The following DCDC2C variants were observed in gnomAD, a reference collection of about 807,000 sequenced individuals.
DCDC2C encodes doublecortin domain-containing protein 2C.
In DCDC2C, 44 loss-of-function variants were observed where a neutral mutation model predicts 45.0. That is an observed-to-expected ratio of 0.98 (90% CI 0.77 to 1.26). The LOEUF (loss-of-function observed/expected upper bound fraction) is 1.26. DCDC2C is among the 50% of genes most tolerant of loss of function. DCDC2C has a pLI of 0.00. For synonymous variants in DCDC2C, 187 were observed against 178.8 expected (o/e 1.05, Z -0.37); for missense variants, 447 against 468.9 (o/e 0.95, Z 0.43).
At chr2:3,738,956 A>G (rs112978418) in intron 3 of DCDC2C, among the ~76,000 whole-genome samples, 1 of 152,200 alleles carries the variant, frequency 6.6e-6, no homozygotes, top group African/African-American at 2.4e-5. Flanking sequence ...CGGACCCTGA[A>G]CAACACGGAC....
intron 3 of DCDC2C, among the ~76,000 whole-genome samples, chr2:3,741,693 A>G (rs968578637): frequency 1.3e-5 from 2 of 151,696 alleles, no homozygotes; most frequent in African/African-American, 4.9e-5. Context: ...AAAAGCACAC[A>G]TACACACACA....
chr2:3,728,280 T>C (rs1236264448), intron 3 of DCDC2C, among the ~76,000 whole-genome samples: 1 of 152,208 alleles, frequency 6.6e-6, no homozygotes, highest in Non-Finnish European at 1.5e-5. Context: ...CTGTGACCAT[T>C]TCTTTAAAAT....
At chr2:3,755,177 A>T (rs1350031383) in intron 6 of DCDC2C, among the ~76,000 whole-genome samples, 1 of 152,088 alleles carries the variant, frequency 6.6e-6, no homozygotes, top group African/African-American at 2.4e-5. Flanking sequence ...GTATGGATGC[A>T]TGTGTGTGTA....
intron 3 of DCDC2C, among the ~76,000 whole-genome samples, chr2:3,737,901 T>G (rs1262434430): frequency 1.3e-5 from 2 of 152,204 alleles, no homozygotes; most frequent in Non-Finnish European, 2.9e-5. Context: ...TACTAAAAAT[T>G]AAGTAGCAAC....
At chr2:3,765,575 C>A (rs533736276) in intron 6 of DCDC2C, among the ~76,000 whole-genome samples, 1 of 152,146 alleles carries the variant, frequency 6.6e-6, no homozygotes, top group Non-Finnish European at 1.5e-5. Context: ...GCTGTGGCTA[C>A]CTCCTTAAGG....
intron 3 of DCDC2C, among the ~76,000 whole-genome samples, chr2:3,729,310 G>A (rs1424184539): frequency 6.6e-6 from 1 of 152,192 alleles, no homozygotes; most frequent in Non-Finnish European, 1.5e-5. Flanking sequence ...GTGCCAGGCA[G>A]AACTGGAGAA....
At chr2:3,707,410 C>T (rs1244975596) in intron 1 of DCDC2C, among the ~76,000 whole-genome samples, 1 of 152,024 alleles carries the variant, frequency 6.6e-6, no homozygotes, top group African/African-American at 2.4e-5. Context: ...ATTTGGAAAA[C>T]AGGAAGACTA....
intron 8 of DCDC2C, among the ~76,000 whole-genome samples, chr2:3,772,297 T>G (rs1403732021): frequency 6.6e-6 from 1 of 152,212 alleles, no homozygotes; most frequent in Non-Finnish European, 1.5e-5. Context: ...TGTGACACCT[T>G]CAATATCTGT....
At chr2:3,791,397 C>T (rs1014144058) in intron 10 of DCDC2C, among the ~76,000 whole-genome samples, 6 of 152,208 alleles carry the variant, frequency 3.9e-5, no homozygotes, top group African/African-American at 7.2e-5. Flanking sequence ...ATGGACCAAT[C>T]GCCTTTTCGT....
chr2:3,783,961 T>C (rs1162684268), intron 9 of DCDC2C, among the ~76,000 whole-genome samples: 1 of 152,216 alleles, frequency 6.6e-6, no homozygotes, highest in Non-Finnish European at 1.5e-5. Flanking sequence ...ATTTTCTTGA[T>C]TTACACAAGT....
At chr2:3,751,101 C>A (rs929538288) in intron 4 of DCDC2C, among the ~76,000 whole-genome samples, 7 of 152,220 alleles carry the variant, frequency 4.6e-5, no homozygotes, top group African/African-American at 1.7e-4. Flanking sequence ...CCGGCAATAT[C>A]TGCCATCTCT....
intron 3 of DCDC2C, among the ~76,000 whole-genome samples, chr2:3,731,737 A>T (rs2148085044): frequency 6.6e-6 from 1 of 152,296 alleles, no homozygotes; most frequent in Admixed American, 6.5e-5. Flanking sequence ...TGCTACAGGG[A>T]CATGGAGGAT....
intron 5 of DCDC2C, among the ~76,000 whole-genome samples, chr2:3,753,912 A>C (rs1029916536): frequency 6.6e-6 from 1 of 152,198 alleles, no homozygotes; most frequent in South Asian, 2.1e-4. Flanking sequence ...TGCCTGGCAC[A>C]CATGGATATT....
chr2:3,732,814 TAAG>T (rs1431230501), intron 3 of DCDC2C, among the ~76,000 whole-genome samples: 8 of 152,088 alleles, frequency 5.3e-5, no homozygotes, highest in Non-Finnish European at 1.2e-4. Context: ...CTGGGAGTCA[TAAG>T]AAGGACAGAT....
chr2:3,722,680 C>T (rs1307688509), intron 2 of DCDC2C, among the ~76,000 whole-genome samples: 3 of 152,174 alleles, frequency 2.0e-5, no homozygotes, highest in Non-Finnish European at 4.4e-5. Flanking sequence ...ATAAGCTTGA[C>T]ATTGTTCAGG....
chr2:3,711,895 C>G (rs565722454), intron 2 of DCDC2C, among the ~76,000 whole-genome samples: 2 of 152,210 alleles, frequency 1.3e-5, no homozygotes, highest in African/African-American at 4.8e-5. Flanking sequence ...CCAACACCAC[C>G]CTCTGGGGTC....
In DCDC2C at chr2:3,703,801, C is replaced by G. The variant is rs1667941703; in HGVS notation, c.50C>G (p.Thr17Ser). 4 of 1,250,764 alleles carry G rather than the reference C, an allele frequency of 3.2e-6. No homozygotes were observed. Among genetic ancestry groups the G allele is most frequent in the African/African-American group, 1.6e-5 (1 of 64,436 alleles). 77.5% of individuals were successfully genotyped at this position (1,250,764 alleles called of 1,614,324 possible). ...SAPVDTTPAK[T>S]IVVYRNGDPF... ...CCGGTGGACACCACGCCCGCCAAGA[C>G]CATCGTGGTGTACCGCAACGGGGAC... The change falls in exon 1 of 11, where the codon ACC (threonine) becomes AGC (serine). Residue 17 changes from threonine to serine, a missense_variant. By Grantham distance (58) the Thr-to-Ser change is moderately conservative (BLOSUM62 1). Coordinates refer to ENST00000399143, the MANE Select transcript of DCDC2C (RefSeq NM_001287444.2). The surrounding 1 kb of genome is among the most constrained non-coding windows in gnomAD (Gnocchi z 4.4).
intron 9 of DCDC2C, among the ~76,000 whole-genome samples, chr2:3,781,791 G>A (rs564802568): frequency 5.3e-5 from 8 of 152,210 alleles, no homozygotes; most frequent in African/African-American, 1.9e-4. Context: ...GATTGCTTGG[G>A]CCCAGGAGGT....
intron 5 of DCDC2C, 84 bp downstream of exon 5, chr2:3,752,984 T>A: frequency 7.3e-7 from 1 of 1,375,214 alleles, no homozygotes; most frequent in Admixed American, 2.6e-5. Flanking sequence ...TAGGTCCAGT[T>A]CAGCTATTGG....
Sources: allele counts gnomAD v4.1 joint callset (sites outside exome capture counted in the v4.1 genomes callset), GRCh38; gene constraint gnomAD v4.1.1; non-coding constraint Gnocchi (gnomAD v3.1); transcripts MANE v1.5; gene names NCBI Gene and HGNC (gene_info 2026-07-23, HGNC 2026-07-21).